BLM: variants seen among roughly 807,000 people sequenced by gnomAD.
BLM encodes recQ-like DNA helicase BLM.
BLM carries 95 observed loss-of-function variants against 135.3 expected under a neutral mutation model. That is an observed-to-expected ratio of 0.70 (90% CI 0.59 to 0.83). The LOEUF is 0.83. Ranked by LOEUF, BLM falls within the 40% of genes least tolerant of loss-of-function variation. The pLI, the probability that BLM is intolerant of heterozygous loss-of-function variation, is 0.00. For missense variants in BLM, 1,518 were observed against 1,663.9 expected (o/e 0.91, Z 1.53); for synonymous variants, 520 against 589.2 (o/e 0.88, Z 1.70).
chr15:90,798,293 C>T lies in BLM; in HGVS notation c.3314C>T (p.Pro1105Leu), dbSNP rs200993043. The change falls in exon 17 of 22, where the codon CCT (proline) becomes CTT (leucine). Residue 1105 changes from proline to leucine, a missense_variant. Physicochemically the swap from Pro to Leu is moderately conservative, Grantham distance 98. Around this residue, in one of 5 missense-constraint regions of BLM, gnomAD observed 626 missense variants for 681.1 expected, o/e 0.92. Coordinates refer to ENST00000355112, the MANE Select transcript of BLM (RefSeq NM_000057.4). ...QGMRNIKHVG[P>L]SGRFTMNMLV... ...ATGAGAAATATAAAACATGTAGGTC[C>T]TTCTGGAAGATTTACTATGAATATG... The T allele has an allele frequency of 1.9e-6, 3 of 1,612,728 alleles. No homozygotes were observed. Among genetic ancestry groups the T allele is most frequent in the Non-Finnish European group, 2.5e-6 (3 of 1,179,362 alleles).
At chr15:90,805,950 A>T (rs1056466377) in intron 19 of BLM, among the ~76,000 whole-genome samples, 1 of 151,892 alleles carries the variant, frequency 6.6e-6, no homozygotes, top group Non-Finnish European at 1.5e-5. Flanking sequence ...CCTGGGTTCA[A>T]ACGATTCTCC....
chr15:90,776,016 C>A (rs72751835), intron 12 of BLM, among the ~76,000 whole-genome samples: 26,426 of 152,138 alleles, frequency 0.17, 2,361 homozygotes, highest in African/African-American at 0.19. Context: ...GTTGACATAT[C>A]TGGATGAATT....
At chr15:90,744,827 A>G (rs1348141493) in intron 1 of BLM, among the ~76,000 whole-genome samples, 1 of 151,826 alleles carries the variant, frequency 6.6e-6, no homozygotes, top group Non-Finnish European at 1.5e-5. Flanking sequence ...AGGCAGGAGG[A>G]TCCCTTGAGC....
chr15:90,732,106 G>A (rs1895084727), intron 1 of BLM, among the ~76,000 whole-genome samples: 1 of 151,988 alleles, frequency 6.6e-6, no homozygotes, highest in Non-Finnish European at 1.5e-5. Context: ...TTCTTTAGTT[G>A]CATATTAGAT....
intron 5 of BLM, among the ~76,000 whole-genome samples, chr15:90,756,741 A>C (rs1895830088): frequency 6.6e-6 from 1 of 152,212 alleles, no homozygotes; most frequent in South Asian, 2.1e-4. Context: ...TTCTTTATCC[A>C]TGGAGACACA....
At chr15:90,785,874 T>C (rs1203296237) in intron 14 of BLM, among the ~76,000 whole-genome samples, 4 of 152,148 alleles carry the variant, frequency 2.6e-5, no homozygotes, top group Admixed American at 6.5e-5. Flanking sequence ...GATTTATCCA[T>C]ATTTTAGGAT....
intron 16 of BLM, among the ~76,000 whole-genome samples, chr15:90,797,416 A>C (rs76475227): frequency 2.0e-4 from 3 of 15,266 alleles, no homozygotes; most frequent in African/African-American, 7.2e-4. Context: ...CTCCATCTCA[A>C]AAAAAAAAAA....
At position 90,760,281 on chromosome 15, in the gene BLM, T is replaced by C. The variant is rs1369220541; in HGVS notation, c.1220+2T>C. The C allele has an allele frequency of 1.2e-5, 19 of 1,614,014 alleles. No individual in the cohort carries two copies. Among genetic ancestry groups the C allele is most frequent in the Non-Finnish European group, 1.6e-5 (19 of 1,180,000 alleles). ...ACTGCTTCAGCAGCGGAACATAAGG[T>C]ATCTTAATTTTCCCCCTTCTGGAAT... On this transcript the variant is annotated splice_donor_variant, in intron 6 of 21. Transcript: ENST00000355112. LOFTEE classifies it high-confidence loss of function.
At chr15:90,770,702 A>G (rs1019657617) in intron 12 of BLM, among the ~76,000 whole-genome samples, 1 of 152,222 alleles carries the variant, frequency 6.6e-6, no homozygotes, top group Non-Finnish European at 1.5e-5. Context: ...TGAATTGGAT[A>G]TTGAGGTGAA....
intron 21 of BLM, among the ~76,000 whole-genome samples, chr15:90,812,964 C>T (rs569923299): frequency 1.3e-5 from 2 of 152,314 alleles, no homozygotes; most frequent in Admixed American, 6.5e-5. Context: ...GGGAAATACT[C>T]ATTTCCTCAG....
At chr15:90,720,122 T>G (rs1258870068) in intron 1 of BLM, among the ~76,000 whole-genome samples, 1 of 152,230 alleles carries the variant, frequency 6.6e-6, no homozygotes, top group Non-Finnish European at 1.5e-5. Flanking sequence ...GACTTGATTG[T>G]CAGACTTATC....
At chr15:90,733,665 A>T (rs188043626) in intron 1 of BLM, among the ~76,000 whole-genome samples, 1 of 152,364 alleles carries the variant, frequency 6.6e-6, no homozygotes, top group East Asian at 1.9e-4. Context: ...AGCTTTATTG[A>T]TATAGACTGC....
At chr15:90,755,284 G>T (rs1895787912) in intron 5 of BLM, 1 of 316,442 alleles carries the variant, frequency 3.2e-6, no homozygotes. Flanking sequence ...CAGAAACACG[G>T]ACCACAGAGC....
In BLM at chr15:90,749,877, A is replaced by G. The variant is rs1448719185; in HGVS notation, c.609A>G (p.Thr203=). 6.2e-7 allele frequency: 1 copy of G among 1,610,786 alleles called. No homozygotes were observed. ...AAGCACAGCTTTATACAACAAACAC[A>G]GTAAAGACTGATTTGCCTCCACCCT... is the stretch of plus-strand genomic sequence containing the variant. ...FFKAQLYTTN[T]VKTDLPPPSS... Residue 203 remains threonine (T), a synonymous_variant, in exon 3 of 22, where the codon ACA becomes ACG. Coordinates refer to ENST00000355112, the MANE Select transcript of BLM (RefSeq NM_000057.4).
intron 20 of BLM, 82 bp downstream of exon 20, chr15:90,809,341 G>T: frequency 6.3e-7 from 1 of 1,597,706 alleles, no homozygotes; most frequent in Non-Finnish European, 8.6e-7. Context: ...GGATGCAGTT[G>T]TGTGAATGCT....
chr15:90,782,978 A>G (rs746694782), intron 13 of BLM, 50 bp downstream of exon 13: 2 of 1,376,260 alleles, frequency 1.5e-6, no homozygotes, highest in Non-Finnish European at 1.0e-6. Flanking sequence ...ATGTCTTTTT[A>G]GTACCACAAT....
rs1596218439 is a variant in BLM, at chr15:90,749,699, C to T, written c.431C>T (p.Ser144Leu). ...CTCAAGAAATTAGAATTTAGTTCTT[C>T]ACCAGATTCTTTAAGTACCATCAAT... The part of the protein sequence containing the change: ...TALKKLEFSS[S>L]PDSLSTINDW... The change falls in exon 3 of 22, where the codon TCA (serine) becomes TTA (leucine). Residue 144 changes from serine (S) to leucine (L), a missense_variant. This residue lies in a region of BLM where 724 missense variants were observed against 756.9 expected (regional missense o/e 0.96). Transcript: ENST00000355112. 1 of 1,614,148 alleles carries T rather than the reference C, an allele frequency of 6.2e-7. No individual in the cohort carries two copies. Among genetic ancestry groups the T allele is most frequent in the Non-Finnish European group, 8.5e-7 (1 of 1,179,988 alleles).
chr15:90,750,723 A>G (rs1895658921), intron 3 of BLM, among the ~76,000 whole-genome samples: 2 of 152,258 alleles, frequency 1.3e-5, no homozygotes, highest in South Asian at 4.1e-4. Context: ...GACCACAGTC[A>G]AATAACTTTT....
chr15:90,721,913 G>A (rs1894776458), intron 1 of BLM, among the ~76,000 whole-genome samples: 1 of 150,984 alleles, frequency 6.6e-6, no homozygotes, highest in Admixed American at 6.6e-5. Context: ...CCTGGCGACA[G>A]AGCAAGACTG....
Sources: gnomAD v4.1 joint callset for allele counts (sites outside exome capture counted in the v4.1 genomes callset) on GRCh38, gnomAD v4.1.1 for gene constraint, gnomAD v4.1.1 regional missense constraint, MANE v1.5 for transcripts, NCBI Gene and HGNC (gene_info 2026-07-23, HGNC 2026-07-21) for gene names.